Variants in TRPC6 observed in about 807,000 individuals in gnomAD.
TRPC6 encodes the protein short transient receptor potential channel 6.
TRPC6 carries 55 observed loss-of-function variants against 90.7 expected under a neutral mutation model. The ratio of observed to expected loss-of-function variants is 0.61; its 90% CI spans 0.49 to 0.76. The LOEUF (loss-of-function observed/expected upper bound fraction) is 0.76. Among genes scored for constraint, TRPC6 ranks in the 30% least tolerant of loss-of-function variants. TRPC6 has a pLI of 0.00. For missense variants in TRPC6, 989 were observed against 1,122.7 expected (o/e 0.88, Z 1.70); for synonymous variants, 393 against 393.0 (o/e 1.00, Z 0.00).
intron 1 of TRPC6, among the ~76,000 whole-genome samples, chr11:101,550,451 CTTAATT>C (rs1433103978): frequency 1.3e-5 from 2 of 151,508 alleles, no homozygotes; most frequent in African/African-American, 2.4e-5. Flanking sequence ...ATACTTTTTT[CTTAATT>C]TTAATTTTAT....
At position 101,490,682 on chromosome 11, in the gene TRPC6, C is replaced by T. The variant is rs138156529; in HGVS notation, c.1128+874G>A. 4.5e-3 allele frequency among the ~76,000 whole-genome samples: 681 copies of T among 152,332 alleles called. 3 individuals are homozygous for T. Among genetic ancestry groups the T allele is most frequent in the African/African-American group, 0.016 (648 of 41,572 alleles). ...TGTTGCCTAGGCTGGTCTCCAACTCCTGACCTCAAGTTATCCACCCATCTC... is the reference window on the plus strand; with the variant it reads ...TGTTGCCTAGGCTGGTCTCCAACTCTTGACCTCAAGTTATCCACCCATCTC... On this transcript the variant is annotated intron_variant, in intron 3 of 12. Transcript: ENST00000344327.
intron 1 of TRPC6, among the ~76,000 whole-genome samples, chr11:101,546,565 C>G (rs1410415958): frequency 6.6e-6 from 1 of 152,110 alleles, no homozygotes; most frequent in African/African-American, 2.4e-5. Flanking sequence ...GAAAATTGGG[C>G]AAGCTACTTA....
chr11:101,559,070 A>G (rs1861652192), intron 1 of TRPC6, among the ~76,000 whole-genome samples: 1 of 152,196 alleles, frequency 6.6e-6, no homozygotes, highest in South Asian at 2.1e-4. Flanking sequence ...ACAACAGAGT[A>G]CAGAGACAAT....
intron 1 of TRPC6, among the ~76,000 whole-genome samples, chr11:101,516,329 A>G (rs1384782357): frequency 6.6e-6 from 1 of 152,148 alleles, no homozygotes; most frequent in African/African-American, 2.4e-5. Flanking sequence ...TGACGCACAC[A>G]TGCTGAAAAG....
chr11:101,503,513 T>C (rs1860179469), intron 2 of TRPC6, among the ~76,000 whole-genome samples: 1 of 152,186 alleles, frequency 6.6e-6, no homozygotes, highest in Non-Finnish European at 1.5e-5. Flanking sequence ...GTAGTTTTGT[T>C]TATTTTTTAT....
At chr11:101,541,671 A>G (rs1861177331) in intron 1 of TRPC6, among the ~76,000 whole-genome samples, 1 of 152,222 alleles carries the variant, frequency 6.6e-6, no homozygotes, top group Non-Finnish European at 1.5e-5. Context: ...GGCTCCACAC[A>G]GGCCTACTTT....
At chr11:101,557,596 C>T (rs1565242685) in intron 1 of TRPC6, among the ~76,000 whole-genome samples, 1 of 148,652 alleles carries the variant, frequency 6.7e-6, no homozygotes, top group African/African-American at 2.5e-5. Flanking sequence ...TATAATTTTA[C>T]ATACAGAAAA....
chr11:101,546,563 G>A (rs1459715956), intron 1 of TRPC6, among the ~76,000 whole-genome samples: 1 of 152,110 alleles, frequency 6.6e-6, no homozygotes, highest in Non-Finnish European at 1.5e-5. Context: ...TAGAAAATTG[G>A]GCAAGCTACT....
intron 1 of TRPC6, among the ~76,000 whole-genome samples, chr11:101,513,421 C>T (rs530339706): frequency 2.2e-4 from 33 of 152,206 alleles, no homozygotes; most frequent in Admixed American, 1.2e-3. Flanking sequence ...ACTCCTTGCT[C>T]GGGTGATGGG....
chr11:101,582,096 T>G (rs901972937), intron 1 of TRPC6, among the ~76,000 whole-genome samples: 1 of 152,252 alleles, frequency 6.6e-6, no homozygotes, highest in African/African-American at 2.4e-5. Flanking sequence ...GGGAATTATG[T>G]CTTGAACTTT....
Position 101,458,415 on chromosome 11 carries a change from C to T in TRPC6, c.2485-3314G>A, listed in dbSNP as rs537880822. On this transcript the variant is annotated intron_variant, in intron 10 of 12. Transcript: ENST00000344327. ...CATGGTTTAAAAACCTGCCCTAAGACGACAACTGGAATGTGATCTGTTCAG... is the reference window on the plus strand; with the variant it reads ...CATGGTTTAAAAACCTGCCCTAAGATGACAACTGGAATGTGATCTGTTCAG... Among the ~76,000 whole-genome samples, 80 of 152,244 alleles carry T rather than the reference C, an allele frequency of 5.3e-4. 1 individual carries two copies. The South Asian group carries it at 0.013, about 26-fold the overall frequency.
intron 1 of TRPC6, among the ~76,000 whole-genome samples, chr11:101,572,578 G>T (rs1369751214): frequency 6.6e-6 from 1 of 152,084 alleles, no homozygotes; most frequent in African/African-American, 2.4e-5. Context: ...TTGCAGCACT[G>T]TTCACAATAG....
chr11:101,460,564 A>G (rs1157417567), intron 10 of TRPC6, among the ~76,000 whole-genome samples: 1 of 152,140 alleles, frequency 6.6e-6, no homozygotes, highest in East Asian at 1.9e-4. Flanking sequence ...TATGTGTGTG[A>G]TATTTAATTG....
intron 1 of TRPC6, among the ~76,000 whole-genome samples, chr11:101,517,538 C>T (rs1860551356): frequency 6.6e-6 from 1 of 152,156 alleles, no homozygotes; most frequent in Non-Finnish European, 1.5e-5. Flanking sequence ...TGACTGAATG[C>T]TAGTTATTTA....
chr11:101,538,735 A>C (rs1346316791), intron 1 of TRPC6, among the ~76,000 whole-genome samples: 1 of 152,192 alleles, frequency 6.6e-6, no homozygotes, highest in African/African-American at 2.4e-5. Context: ...AACATGATAA[A>C]AACTGGACCC....
intron 2 of TRPC6, among the ~76,000 whole-genome samples, chr11:101,496,509 G>T (rs1224122960): frequency 6.6e-6 from 1 of 152,002 alleles, no homozygotes; most frequent in African/African-American, 2.4e-5. Context: ...AAAAAGAAAT[G>T]GAATACAATT....
chr11:101,554,211 T>C (rs4237603), intron 1 of TRPC6, among the ~76,000 whole-genome samples: 36,691 of 152,050 alleles, frequency 0.24, 4,757 homozygotes, highest in East Asian at 0.41. Context: ...GTATATTCTA[T>C]ACTGTGTCTC....
At chr11:101,548,376 T>TAAAATA (rs1292808393) in intron 1 of TRPC6, among the ~76,000 whole-genome samples, 2 of 118,930 alleles carry the variant, frequency 1.7e-5, no homozygotes, top group Admixed American at 2.0e-4. Flanking sequence ...ATAATTATAA[T>TAAAATA]ATATAAATAT....
chr11:101,481,618 C>CTGAT lies in TRPC6; in HGVS notation c.1510+1327_1510+1330dup, dbSNP rs533427266. Among the ~76,000 whole-genome samples the CTGAT allele has an allele frequency of 3.3e-5, 5 of 152,312 alleles. No individual in the cohort carries two copies. The East Asian group carries it at 9.7e-4, about 29-fold the overall frequency. On this transcript the variant is annotated intron_variant, in intron 5 of 12. Coordinates refer to ENST00000344327, the MANE Select transcript of TRPC6 (RefSeq NM_004621.6). ...AAGGCAGAATCCACAGCTCTCCCTT[C>CTGAT]TGATGTGCAATAATCACCAAGTTGT...
Sources: allele counts gnomAD v4.1 joint callset (sites outside exome capture counted in the v4.1 genomes callset), GRCh38; gene constraint gnomAD v4.1.1; transcripts MANE v1.5; gene names NCBI Gene and HGNC (gene_info 2026-07-23, HGNC 2026-07-21).